DDX60: variants seen among roughly 807,000 people sequenced by gnomAD.
DDX60 encodes DExD/H-box helicase 60.
In DDX60, 165 loss-of-function variants were observed where a neutral mutation model predicts 212.8. The observed-to-expected ratio is 0.78, with a 90% CI of 0.68 to 0.88. The LOEUF (loss-of-function observed/expected upper bound fraction) is 0.88, where lower values mean the gene tolerates loss of function less well. Ranked by LOEUF, DDX60 falls within the 40% of genes least tolerant of loss-of-function variation. The pLI is 0.00. For synonymous variants in DDX60, 703 were observed against 685.3 expected, an observed-to-expected ratio of 1.03 and a Z score of -0.40; for missense variants, 1,905 against 2,003.9, an observed-to-expected ratio of 0.95 and a Z score of 0.94.
At chr4:168,241,191 T>C (rs1733824096) in intron 30 of DDX60, among the ~76,000 whole-genome samples, 1 of 152,208 alleles carries the variant, frequency 6.6e-6, no homozygotes. Context: ...GAACTGTAAG[T>C]CCATTAAAAC....
At chr4:168,273,207 AT>A in intron 18 of DDX60, 71 bp downstream of exon 18, 1 of 1,420,548 alleles carries the variant, frequency 7.0e-7, no homozygotes, top group South Asian at 1.4e-5. Flanking sequence ...AAGATGTTGA[AT>A]TTCTAGTCAA....
chr4:168,299,534 T>A (rs899147142), intron 6 of DDX60, among the ~76,000 whole-genome samples: 2 of 150,716 alleles, frequency 1.3e-5, no homozygotes, highest in Non-Finnish European at 3.0e-5. Context: ...TTAAATAACT[T>A]AAAAACAGAC....
intron 17 of DDX60, 126 bp downstream of exon 17, chr4:168,273,808 G>T: frequency 9.3e-7 from 1 of 1,078,688 alleles, no homozygotes; most frequent in Non-Finnish European, 1.3e-6. Flanking sequence ...TTTAGCTTCA[G>T]ACACTGAAAC....
intron 13 of DDX60, among the ~76,000 whole-genome samples, chr4:168,283,231 A>G (rs1735671512): frequency 6.6e-6 from 1 of 152,178 alleles, no homozygotes; most frequent in Non-Finnish European, 1.5e-5. Context: ...AGAGATACAT[A>G]TGTTATTATG....
At chr4:168,219,205 T>C (rs1021755104) in intron 37 of DDX60, among the ~76,000 whole-genome samples, 2 of 151,770 alleles carry the variant, frequency 1.3e-5, no homozygotes, top group African/African-American at 4.8e-5. Context: ...GGCAGGAGAA[T>C]TGCTTGAACC....
chr4:168,299,074 T>C (rs1736532795), intron 6 of DDX60, among the ~76,000 whole-genome samples: 1 of 147,004 alleles, frequency 6.8e-6, no homozygotes. Flanking sequence ...GGCAGGAGAA[T>C]TGCTTGAACC....
chr4:168,236,716 T>G (rs965967574), intron 32 of DDX60, among the ~76,000 whole-genome samples: 11 of 151,826 alleles, frequency 7.2e-5, no homozygotes, highest in Non-Finnish European at 1.5e-4. Flanking sequence ...AAAAATGTAT[T>G]AAATAAAATG....
At position 168,230,185 on chromosome 4, in the gene DDX60, T is replaced by C. The variant is rs555182866; in HGVS notation, c.4534-4509A>G. Among the ~76,000 whole-genome samples, 53 of 152,172 alleles carry C rather than the reference T, an allele frequency of 3.5e-4. No individual in the cohort carries two copies. The South Asian group carries it at 0.011, about 30-fold the overall frequency. ...GGAACACTTCACAATCCTAAATATA[T>C]ATACACCTAATACTGGAGCTCTCAA... On this transcript the variant is annotated intron_variant, in intron 33 of 37. Transcript: ENST00000393743.
intron 17 of DDX60, 94 bp from the exon 18 acceptor site, chr4:168,273,492 T>C: frequency 6.7e-7 from 1 of 1,497,790 alleles, no homozygotes; most frequent in Non-Finnish European, 9.1e-7. Context: ...TGTCCTGCTT[T>C]CAGTGCAGAA....
At chr4:168,289,977 G>A (rs1349764854) in intron 8 of DDX60, among the ~76,000 whole-genome samples, 1 of 152,172 alleles carries the variant, frequency 6.6e-6, no homozygotes, top group African/African-American at 2.4e-5. Context: ...TTGCAAGCCA[G>A]GGAAAGTTTC....
At chr4:168,225,812 G>T in intron 33 of DDX60, 136 bp from the exon 34 acceptor site, 1 of 814,520 alleles carries the variant, frequency 1.2e-6, no homozygotes, top group Non-Finnish European at 1.8e-6. Context: ...TAATGTCACT[G>T]TTTCATTTTT....
At chr4:168,308,466 T>G (rs1009704109) in intron 3 of DDX60, among the ~76,000 whole-genome samples, 1 of 152,028 alleles carries the variant, frequency 6.6e-6, no homozygotes, top group Non-Finnish European at 1.5e-5. Context: ...ATATAGTACT[T>G]GTACCCTGCA....
intron 5 of DDX60, among the ~76,000 whole-genome samples, chr4:168,305,962 A>G (rs1736856489): frequency 6.6e-6 from 1 of 152,150 alleles, no homozygotes. Context: ...TCTGGCCTTC[A>G]ATACCTTGAG....
At chr4:168,315,583 A>C (rs1373550371) in intron 1 of DDX60, among the ~76,000 whole-genome samples, 2 of 152,034 alleles carry the variant, frequency 1.3e-5, no homozygotes, top group Non-Finnish European at 1.5e-5. Context: ...CTTTGCCCCC[A>C]ACCCTCCGAC....
At chr4:168,304,593 C>T (rs544882546) in intron 5 of DDX60, among the ~76,000 whole-genome samples, 1 of 152,036 alleles carries the variant, frequency 6.6e-6, no homozygotes, top group Non-Finnish European at 1.5e-5. Context: ...CCCAGCCACT[C>T]GACAGGCTGA....
chr4:168,264,786 A>G (rs1374703706), intron 22 of DDX60, among the ~76,000 whole-genome samples: 4 of 152,212 alleles, frequency 2.6e-5, no homozygotes, highest in African/African-American at 7.2e-5. Context: ...TAACAGTCCT[A>G]TGCCTAAATA....
chr4:168,226,919 TG>T (rs1733275748), intron 33 of DDX60, among the ~76,000 whole-genome samples: 1 of 152,018 alleles, frequency 6.6e-6, no homozygotes, highest in Admixed American at 6.6e-5. Context: ...GAATGTTTAA[TG>T]GGTACCAAAA....
intron 8 of DDX60, among the ~76,000 whole-genome samples, chr4:168,289,986 T>A (rs1241497120): frequency 6.6e-6 from 1 of 152,208 alleles, no homozygotes; most frequent in Admixed American, 6.5e-5. Flanking sequence ...AGGGAAAGTT[T>A]CTGCAAATGC....
intron 33 of DDX60, among the ~76,000 whole-genome samples, chr4:168,227,955 T>A (rs900595471): frequency 1.3e-5 from 2 of 152,152 alleles, no homozygotes; most frequent in Non-Finnish European, 2.9e-5. Flanking sequence ...AAAGTGTGAC[T>A]TGTATAAATA....
Sources: allele counts gnomAD v4.1 joint callset (sites outside exome capture counted in the v4.1 genomes callset), GRCh38; gene constraint gnomAD v4.1.1; transcripts MANE v1.5; gene names NCBI Gene and HGNC (gene_info 2026-07-23, HGNC 2026-07-21).